The following SLIT3 variants were observed in gnomAD, a reference collection of about 807,000 sequenced individuals.
The protein encoded by SLIT3 is slit homolog 3 protein.
Under a neutral mutation model 184.0 loss-of-function variants are expected in SLIT3, and 68 were observed. That is an observed-to-expected ratio of 0.37 (90% confidence interval 0.30 to 0.45). The LOEUF is 0.45. Among genes scored for constraint, SLIT3 ranks in the 20% least tolerant of loss-of-function variants. The pLI is 1.00. For missense variants in SLIT3, 1,707 were observed against 2,026.0 expected (o/e 0.84, Z 3.02); for synonymous variants, 831 against 828.6 (o/e 1.00, Z -0.05).
intron 6 of SLIT3, among the ~76,000 whole-genome samples, chr5:168,831,809 G>GGCTT (rs1757890701): frequency 6.6e-6 from 1 of 152,102 alleles, no homozygotes; most frequent in African/African-American, 2.4e-5. Flanking sequence ...TTAACAAAAG[G>GGCTT]GCTTGTCTTT....
rs747746239 is a variant in SLIT3 at position 168,798,223 on chromosome 5, C to CTTTTTT, written c.936-2651_936-2646dup. ...TTGGTTTTCTTTTCTTCTTCTTCTT[C>CTTTTTT]TTTTTTTTTTTTTTTTAAGAGACAG... On this transcript the variant is annotated intron_variant, in intron 9 of 35. Transcript: ENST00000519560. Among the ~76,000 whole-genome samples, 19 of 108,982 alleles carry CTTTTTT rather than the reference C, an allele frequency of 1.7e-4. 1 individual carries two copies. The highest frequency in any genetic ancestry group is 4.1e-4 in the African/African-American group (9 of 21,942). The allele number at this position is 108,982 out of a possible 152,430, so 71.5% of individuals were successfully genotyped here.
At chr5:169,217,307 A>G (rs902749172) in intron 3 of SLIT3, among the ~76,000 whole-genome samples, 1 of 152,056 alleles carries the variant, frequency 6.6e-6, no homozygotes, top group African/African-American at 2.4e-5. Flanking sequence ...CTCTCTCAAG[A>G]ATTCACACAC....
chr5:168,746,719 TGTGGCG>T, intron 20 of SLIT3, among the ~76,000 whole-genome samples: 1 of 52,966 alleles, frequency 1.9e-5, no homozygotes, highest in Non-Finnish European at 3.3e-5. Flanking sequence ...GTGGTGTGGG[TGTGGCG>T]GTGTGTGGTG....
chr5:169,035,605 C>T (rs1757211758), intron 4 of SLIT3, among the ~76,000 whole-genome samples: 3 of 146,886 alleles, frequency 2.0e-5, no homozygotes, highest in East Asian at 4.0e-4. Context: ...GCCAAGATCG[C>T]ACCACTGCAC....
chr5:169,200,300 C>T (rs1763871078), intron 3 of SLIT3, among the ~76,000 whole-genome samples: 1 of 152,230 alleles, frequency 6.6e-6, no homozygotes, highest in African/African-American at 2.4e-5. Flanking sequence ...GTGCTAACCC[C>T]TACAGGTCAC....
intron 3 of SLIT3, among the ~76,000 whole-genome samples, chr5:169,197,099 G>T (rs970328345): frequency 2.0e-5 from 3 of 152,174 alleles, no homozygotes; most frequent in Non-Finnish European, 4.4e-5. Context: ...TTGGCTCCAA[G>T]GCTCCTGGAA....
chr5:169,107,931 G>T (rs766820975), intron 4 of SLIT3, among the ~76,000 whole-genome samples: 2 of 152,208 alleles, frequency 1.3e-5, no homozygotes, highest in Non-Finnish European at 1.5e-5. Flanking sequence ...TGATCGGGCT[G>T]AGATGCCTCC....
At chr5:169,167,466 C>T (rs1030549171) in intron 4 of SLIT3, among the ~76,000 whole-genome samples, 1 of 151,442 alleles carries the variant, frequency 6.6e-6, no homozygotes, top group East Asian at 2.0e-4. Flanking sequence ...TTAGTAGAGA[C>T]GGGGTTTCAC....
At chr5:169,273,160 C>T (rs555382874) in intron 1 of SLIT3, among the ~76,000 whole-genome samples, 1 of 152,196 alleles carries the variant, frequency 6.6e-6, no homozygotes, top group Non-Finnish European at 1.5e-5. Flanking sequence ...CAGCCCACCA[C>T]CCCCTGCCTC....
intron 4 of SLIT3, among the ~76,000 whole-genome samples, chr5:168,908,922 AG>A (rs1179012596): frequency 6.6e-6 from 1 of 152,212 alleles, no homozygotes; most frequent in Non-Finnish European, 1.5e-5. Context: ...CCATCATAAG[AG>A]GGTCCTGAAA....
chr5:169,138,938 G>A (rs1329799830), intron 4 of SLIT3, among the ~76,000 whole-genome samples: 25 of 152,208 alleles, frequency 1.6e-4, no homozygotes, highest in Non-Finnish European at 3.7e-4. Flanking sequence ...ATGACTGATG[G>A]CAGTGGACAA....
intron 4 of SLIT3, among the ~76,000 whole-genome samples, chr5:169,035,203 C>T (rs1581334072): frequency 6.6e-6 from 1 of 151,970 alleles, no homozygotes; most frequent in Non-Finnish European, 1.5e-5. Context: ...AAGAACCTGG[C>T]CATAGTGGAG....
At chr5:168,988,057 G>A (rs558928825) in intron 4 of SLIT3, among the ~76,000 whole-genome samples, 13 of 152,212 alleles carry the variant, frequency 8.5e-5, no homozygotes, top group Non-Finnish European at 1.0e-4. Context: ...GAAAGCCTGC[G>A]GGGTTTAGAA....
intron 4 of SLIT3, among the ~76,000 whole-genome samples, chr5:169,167,196 A>C (rs1762666832): frequency 6.7e-6 from 1 of 149,916 alleles, no homozygotes; most frequent in African/African-American, 2.5e-5. Flanking sequence ...AAACAAAACA[A>C]AACAAAAAAA....
At chr5:168,975,635 A>T (rs1159589353) in intron 4 of SLIT3, among the ~76,000 whole-genome samples, 1 of 152,206 alleles carries the variant, frequency 6.6e-6, no homozygotes, top group Non-Finnish European at 1.5e-5. Flanking sequence ...ATTTAAAAAT[A>T]AATTTTAAGC....
At chr5:168,694,629 C>CT (rs984097276) in intron 28 of SLIT3, among the ~76,000 whole-genome samples, 8 of 151,982 alleles carry the variant, frequency 5.3e-5, no homozygotes, top group Non-Finnish European at 1.0e-4. Context: ...CTCTTTCTTT[C>CT]TTTTTTTGAG....
chr5:169,201,981 TGGCACTTTGGGA>T (rs1763915961), intron 3 of SLIT3, among the ~76,000 whole-genome samples: 1 of 100,332 alleles, frequency 1.0e-5, no homozygotes, highest in Non-Finnish European at 2.3e-5. Flanking sequence ...CCTACAGTCC[TGGCACTTTGGGA>T]GGCCAAAGCA....
At chr5:168,684,353 T>C (rs1260505515) in intron 31 of SLIT3, among the ~76,000 whole-genome samples, 1 of 152,218 alleles carries the variant, frequency 6.6e-6, no homozygotes, top group Non-Finnish European at 1.5e-5. Context: ...TATGTTCATA[T>C]ATTAATGTAT....
At chr5:169,043,669 C>A (rs910157164) in intron 4 of SLIT3, among the ~76,000 whole-genome samples, 13 of 152,188 alleles carry the variant, frequency 8.5e-5, no homozygotes, top group Non-Finnish European at 1.6e-4. Context: ...CAAACAAGAG[C>A]TCTTTGTATA....
Sources: allele counts gnomAD v4.1 joint callset (sites outside exome capture counted in the v4.1 genomes callset), GRCh38; gene constraint gnomAD v4.1.1; transcripts MANE v1.5; gene names NCBI Gene and HGNC (gene_info 2026-07-23, HGNC 2026-07-21).